The following EYA1 variants were observed in gnomAD, a reference collection of about 807,000 sequenced individuals.
EYA1 encodes the protein EYA transcriptional coactivator and phosphatase 1.
A neutral mutation model predicts 82.0 loss-of-function variants in EYA1; 16 were observed. The ratio of observed to expected loss-of-function variants is 0.20; its 90% CI spans 0.13 to 0.30. EYA1 has a LOEUF of 0.30. EYA1 is among the 10% of genes least tolerant of loss of function. The pLI is 1.00. For synonymous variants in EYA1, 261 were observed against 264.4 expected, an observed-to-expected ratio of 0.99 and a Z score of 0.12; for missense variants, 633 against 730.7, an observed-to-expected ratio of 0.87 and a Z score of 1.54.
intron 2 of EYA1, among the ~76,000 whole-genome samples, chr8:71,482,346 C>A (rs1810230262): frequency 1.3e-5 from 2 of 152,128 alleles, no homozygotes; most frequent in South Asian, 4.2e-4. Flanking sequence ...AACAACATAC[C>A]ACTGTTCATC....
chr8:71,206,561 C>A (rs911615612), intron 17 of EYA1, among the ~76,000 whole-genome samples: 5 of 152,016 alleles, frequency 3.3e-5, no homozygotes, highest in African/African-American at 1.2e-4. Context: ...AGAGGAAATA[C>A]CTGAGTTCAA....
chr8:71,349,191 C>G (rs1826057896), intron 3 of EYA1, among the ~76,000 whole-genome samples: 1 of 152,184 alleles, frequency 6.6e-6, no homozygotes, highest in Non-Finnish European at 1.5e-5. Flanking sequence ...CTCACACACT[C>G]ACGCACACCA....
In EYA1 at chr8:71,280,539, T is replaced by C. The variant is rs143302271; in HGVS notation, c.827-8642A>G. The stretch of plus-strand genomic sequence containing the variant: ...CCAAGGTTCAACCTCTACAGTCAGA[T>C]ATCCGCAGAGTGAATACCAAAATTC... On this transcript the variant is annotated intron_variant, in intron 9 of 17. Coordinates refer to ENST00000340726, the MANE Select transcript of EYA1 (RefSeq NM_000503.6). 3.1e-3 allele frequency among the ~76,000 whole-genome samples: 469 copies of C among 152,350 alleles called. 9 individuals are homozygous for C. Among genetic ancestry groups the C allele is most frequent in the Admixed American group, 0.026 (403 of 15,300 alleles).
At chr8:71,290,430 A>G in intron 9 of EYA1, among the ~76,000 whole-genome samples, 1 of 152,318 alleles carries the variant, frequency 6.6e-6, no homozygotes, top group Middle Eastern at 3.4e-3. Context: ...AAAAGAAGAT[A>G]ATAAATGTTT....
At chr8:71,497,359 T>C (rs1171228491) in intron 2 of EYA1, among the ~76,000 whole-genome samples, 1 of 152,060 alleles carries the variant, frequency 6.6e-6, no homozygotes, top group Non-Finnish European at 1.5e-5. Context: ...ACATGCAAAA[T>C]ATATAAGAAC....
chr8:71,289,201 T>C (rs1482032915), intron 9 of EYA1, among the ~76,000 whole-genome samples: 1 of 152,322 alleles, frequency 6.6e-6, no homozygotes, highest in South Asian at 2.1e-4. Context: ...CAGGTGACTA[T>C]TTAAGTAGGA....
intron 11 of EYA1, among the ~76,000 whole-genome samples, chr8:71,245,303 T>C (rs1812946506): frequency 6.6e-6 from 1 of 152,168 alleles, no homozygotes; most frequent in South Asian, 2.1e-4. Flanking sequence ...CTCAGCTCAC[T>C]GCAGCCTCCA....
At chr8:71,540,450 T>C (rs1205527036) in intron 1 of EYA1, among the ~76,000 whole-genome samples, 3 of 152,054 alleles carry the variant, frequency 2.0e-5, no homozygotes, top group African/African-American at 7.2e-5. Context: ...GAACAAAAGA[T>C]TGGGAGAAGA....
intron 2 of EYA1, among the ~76,000 whole-genome samples, chr8:71,452,083 T>G (rs1807428912): frequency 6.6e-6 from 1 of 152,146 alleles, no homozygotes; most frequent in South Asian, 2.1e-4. Context: ...ATACTGCACT[T>G]CTCCAATGGC....
intron 1 of EYA1, among the ~76,000 whole-genome samples, chr8:71,536,163 A>G (rs1375427951): frequency 6.6e-6 from 1 of 152,144 alleles, no homozygotes; most frequent in Non-Finnish European, 1.5e-5. Flanking sequence ...CCAGCAGTAC[A>G]AGAGCTTTTT....
At chr8:71,430,099 T>C (rs1415472023) in intron 2 of EYA1, among the ~76,000 whole-genome samples, 1 of 152,198 alleles carries the variant, frequency 6.6e-6, no homozygotes, top group East Asian at 1.9e-4. Context: ...AAAGATATTT[T>C]ATTTAAAATG....
chr8:71,437,470 C>G (rs1309329124), intron 2 of EYA1, among the ~76,000 whole-genome samples: 2 of 151,886 alleles, frequency 1.3e-5, no homozygotes, highest in Non-Finnish European at 1.5e-5. Context: ...TCACACATAG[C>G]TCTTAGGTTT....
At chr8:71,545,183 C>A (rs1006821518) in intron 1 of EYA1, among the ~76,000 whole-genome samples, 1 of 152,190 alleles carries the variant, frequency 6.6e-6, no homozygotes, top group Admixed American at 6.5e-5. Flanking sequence ...GCTTTTTCAT[C>A]AGTACAATGG....
chr8:71,344,459 A>T (rs1825492507), intron 3 of EYA1, among the ~76,000 whole-genome samples: 1 of 152,320 alleles, frequency 6.6e-6, no homozygotes, highest in African/African-American at 2.4e-5. Context: ...CAAGCAGTAC[A>T]TTGTTTGCTC....
chr8:71,345,591 G>A (rs945998747), intron 3 of EYA1, among the ~76,000 whole-genome samples: 5 of 152,022 alleles, frequency 3.3e-5, no homozygotes, highest in African/African-American at 9.7e-5. Flanking sequence ...AGGTAAGTCC[G>A]ACTACAAAAC....
chr8:71,402,743 T>G (rs972215366), intron 2 of EYA1, among the ~76,000 whole-genome samples: 1 of 152,096 alleles, frequency 6.6e-6, no homozygotes, highest in African/African-American at 2.4e-5. Flanking sequence ...TGGTATGCTT[T>G]TGGCATAGGA....
intron 2 of EYA1, among the ~76,000 whole-genome samples, chr8:71,473,696 C>T (rs1809417069): frequency 6.6e-6 from 1 of 152,176 alleles, no homozygotes; most frequent in Admixed American, 6.5e-5. Context: ...AATCCCATTA[C>T]TGGGCATATA....
intron 2 of EYA1, among the ~76,000 whole-genome samples, chr8:71,406,634 T>A (rs1159714453): frequency 6.6e-6 from 1 of 152,138 alleles, no homozygotes; most frequent in East Asian, 1.9e-4. Flanking sequence ...GAAAATCGGG[T>A]CACTCTCACC....
intron 3 of EYA1, among the ~76,000 whole-genome samples, chr8:71,345,567 G>GT (rs911382232): frequency 1.3e-4 from 19 of 151,838 alleles, no homozygotes; most frequent in African/African-American, 3.1e-4. Context: ...TTGTGATTGT[G>GT]TTTTTTTTAG....
Sources: allele counts gnomAD v4.1 joint callset (sites outside exome capture counted in the v4.1 genomes callset), GRCh38; gene constraint gnomAD v4.1.1; transcripts MANE v1.5; gene names NCBI Gene and HGNC (gene_info 2026-07-23, HGNC 2026-07-21).